The following MAP7D1 variants were observed in gnomAD, a reference collection of about 807,000 sequenced individuals.
MAP7D1 encodes MAP7 domain-containing protein 1.
A neutral mutation model predicts 97.5 loss-of-function variants in MAP7D1; 30 were observed. The ratio of observed to expected loss-of-function variants is 0.31; its 90% confidence interval spans 0.23 to 0.42. The LOEUF is 0.42. MAP7D1 is among the 10% of genes least tolerant of loss of function. MAP7D1 has a pLI of 1.00. For missense variants in MAP7D1, 1,184 were observed against 1,179.5 expected (o/e 1.00, Z -0.06); for synonymous variants, 536 against 477.1 (o/e 1.12, Z -1.61).
intron 6 of MAP7D1, 132 bp downstream of exon 6, chr1:36,175,140 A>G: frequency 1.5e-6 from 1 of 653,280 alleles, no homozygotes; most frequent in South Asian, 1.7e-5. Context: ...ACTCTACCTT[A>G]CCCAGGGCTC....
chr1:36,179,151 A>AGGGCTGC, intron 12 of MAP7D1, 111 bp from the exon 13 acceptor site: 1 of 1,491,510 alleles, frequency 6.7e-7, no homozygotes, highest in Non-Finnish European at 9.2e-7. Context: ...TGTCCTGGAG[A>AGGGCTGC]GGGCTGCTAT....
At chr1:36,177,580 A>T in intron 8 of MAP7D1, 1 of 676,170 alleles carries the variant, frequency 1.5e-6, no homozygotes, top group Non-Finnish European at 2.8e-6. Context: ...GTCAGGTAGC[A>T]CTCAGGGTGC....
intron 13 of MAP7D1, 56 bp from the exon 14 acceptor site, chr1:36,179,459 G>A: frequency 1.3e-6 from 2 of 1,578,432 alleles, no homozygotes; most frequent in East Asian, 2.3e-5. Flanking sequence ...AACTCAGTCC[G>A]AAGTGGCTGG....
At position 36,176,857 on chromosome 1, in the gene MAP7D1, T is replaced by G. The variant is rs1002783876; in HGVS notation, c.1379+15T>G. The G allele has an allele frequency of 4.4e-6, 7 of 1,574,476 alleles. No homozygotes were observed. The highest frequency in any genetic ancestry group is 8.6e-7 in the Non-Finnish European group (1 of 1,158,658). On this transcript the variant is annotated intron_variant, in intron 8 of 16. Coordinates refer to ENST00000474796, the MANE Select transcript of MAP7D1 (RefSeq NM_001388490.1). The surrounding 1 kb of genome is among the most constrained non-coding windows in gnomAD (Gnocchi z 6.1). ...TCTGAGCTCAGGTGGGCGCGGGCGG[T>G]GCGAGGGACCCTGCCCCTCACCGGG...
intron 6 of MAP7D1, 25 bp downstream of exon 6, chr1:36,175,033 C>G (rs1216112549): frequency 3.3e-6 from 5 of 1,495,808 alleles, no homozygotes; most frequent in Non-Finnish European, 2.8e-6. Flanking sequence ...AGCCCTTCCC[C>G]CTCCAGAGCC....
intron 1 of MAP7D1, among the ~76,000 whole-genome samples, 157 bp from the exon 2 acceptor site, chr1:36,170,814 A>G (rs916456569): frequency 6.6e-6 from 1 of 152,144 alleles, no homozygotes; most frequent in Non-Finnish European, 1.5e-5. Context: ...TTTTCTCACC[A>G]TTATATCATG....
rs1023604410 is a variant in MAP7D1, at chr1:36,156,354, C to T, written c.-64C>T. On this transcript the variant is annotated 5_prime_UTR_variant, in exon 1 of 17. Transcript: ENST00000474796. ...GCGTGATGCGCCGCGGGACCCCTGTCCTGGCCACTGGCCGCCGCCGCCGCC... is the reference window on the plus strand; with the variant it reads ...GCGTGATGCGCCGCGGGACCCCTGTTCTGGCCACTGGCCGCCGCCGCCGCC... 2 of 1,410,712 alleles carry T rather than the reference C, an allele frequency of 1.4e-6. No homozygotes were observed. The highest frequency in any genetic ancestry group is 3.0e-5 in the African/African-American group (2 of 66,726). The allele number at this position is 1,410,712 out of a possible 1,614,324, so 87.4% of individuals were successfully genotyped here. A position where few individuals can be genotyped will look rare whatever the true frequency, so the allele number is the denominator to read the frequency against.
At position 36,176,509 on chromosome 1, in the gene MAP7D1, G is replaced by A; in HGVS notation, c.1161G>A (p.Glu387=). The part of the protein sequence containing the change: ...RSVHRCAPAG[E]RGERRKPNAG... ...TGCACCGCTGCGCCCCCGCCGGTGA[G>A]CGCGGGGAGCGCCGCAAGCCCAACG... Residue 387 remains glutamate, a synonymous_variant, in exon 7 of 17, where the codon GAG becomes GAA. Transcript: ENST00000474796. This position sits in a 1 kb window ranked among gnomAD's most constrained non-coding sequence, Gnocchi z 6.1. The A allele has an allele frequency of 7.3e-7, 1 of 1,372,928 alleles. No homozygotes were observed. 85.0% of individuals were successfully genotyped at this position (1,372,928 alleles called of 1,614,324 possible).
chr1:36,178,067 A>ACAAGAGCC lies in MAP7D1; in HGVS notation c.1575_1582dup (p.Gln528ProfsTer50). ...AGCCCCAGCGCCGCAGGGCCCGAGGACAAGAGCCAGAGCAAGCGCAGGGCC... is the reference window on the plus strand; with the variant it reads ...AGCCCCAGCGCCGCAGGGCCCGAGGACAAGAGCCCAAGAGCCAGAGCAAGCGCAGGGCC... On this transcript the variant is annotated frameshift_variant, in exon 9 of 17. Transcript: ENST00000474796. LOFTEE classifies it high-confidence loss of function. 1 of 1,611,214 alleles carries ACAAGAGCC rather than the reference A, an allele frequency of 6.2e-7. No homozygotes were observed. The highest frequency in any genetic ancestry group is 8.5e-7 in the Non-Finnish European group (1 of 1,178,842).
chr1:36,170,524 C>T (rs1428694996), intron 1 of MAP7D1, among the ~76,000 whole-genome samples: 2 of 152,184 alleles, frequency 1.3e-5, no homozygotes, highest in African/African-American at 4.8e-5. Context: ...CGAATAAGTG[C>T]TACAAGCTTG....
Position 36,176,892 on chromosome 1 carries a change from C to A in MAP7D1, c.1379+50C>A. The A allele has an allele frequency of 8.2e-6, 12 of 1,454,722 alleles. No homozygotes were observed. The highest frequency in any genetic ancestry group is 2.4e-5 in the East Asian group (1 of 40,892). The allele number at this position is 1,454,722 out of a possible 1,614,324, so 90.1% of individuals were successfully genotyped here. A position where few individuals can be genotyped will look rare whatever the true frequency, so the allele number is the denominator to read the frequency against. On this transcript the variant is annotated intron_variant, in intron 8 of 16. Transcript: ENST00000474796. The surrounding 1 kb of genome is among the most constrained non-coding windows in gnomAD (Gnocchi z 6.1). ...CCTGCCCCTCACCGGGTCATTTATT[C>A]ATCACCCACAAATATTTGTTGGGCA... is the stretch of plus-strand genomic sequence containing the variant.
chr1:36,160,631 G>A (rs961260765), intron 1 of MAP7D1, among the ~76,000 whole-genome samples: 1 of 152,206 alleles, frequency 6.6e-6, no homozygotes, highest in Non-Finnish European at 1.5e-5. Context: ...GGCAGAGGCA[G>A]GATTTGAACT....
intron 1 of MAP7D1, among the ~76,000 whole-genome samples, chr1:36,163,817 C>CTTTTTTTTTTTT (rs869169250): frequency 8.1e-5 from 7 of 86,782 alleles, no homozygotes; most frequent in African/African-American, 3.3e-4. Context: ...TACTTTTTTT[C>CTTTTTTTTTTTT]TTTTTTTTTT....
intron 1 of MAP7D1, among the ~76,000 whole-genome samples, chr1:36,163,703 C>T (rs1644439532): frequency 6.6e-6 from 1 of 152,080 alleles, no homozygotes; most frequent in South Asian, 2.1e-4. Flanking sequence ...TAACTTCTAC[C>T]TGTGTGGCTT....
intron 1 of MAP7D1, among the ~76,000 whole-genome samples, chr1:36,161,947 T>C (rs1248677339): frequency 6.6e-6 from 1 of 151,828 alleles, no homozygotes; most frequent in East Asian, 1.9e-4. Flanking sequence ...CTCTCGCCAT[T>C]GTGCAGGCCC....
rs562822423 is a variant in MAP7D1, at chr1:36,180,241, T to C, written c.2513-7T>C. 3.7e-6 allele frequency: 6 copies of C among 1,614,164 alleles called. No homozygotes were observed. The highest frequency in any genetic ancestry group is 1.7e-5 in the Admixed American group (1 of 60,010). On this transcript the variant is annotated splice_region_variant and splice_polypyrimidine_tract_variant and intron_variant, in intron 16 of 16. Coordinates refer to ENST00000474796, the MANE Select transcript of MAP7D1 (RefSeq NM_001388490.1). ...CCCTGACTGTTTCCCTTCCTGTTTT[T>C]CCCCAGAAGTCCTTTAAGAGGGTTT...
intron 5 of MAP7D1, among the ~76,000 whole-genome samples, chr1:36,173,901 T>C (rs1298057098): frequency 1.3e-5 from 2 of 152,190 alleles, no homozygotes; most frequent in African/African-American, 4.8e-5. Flanking sequence ...CTGGCATGTA[T>C]GTACCACTGT....
rs186217497 is a variant in MAP7D1, at chr1:36,160,700, A to G, written c.46+4237A>G. The stretch of plus-strand genomic sequence containing the variant: ...ACCTCTAAGCTGAATTATCATGGCT[A>G]AGCTATCCAGTGACAAGGTCTGGCC... On this transcript the variant is annotated intron_variant, in intron 1 of 16. Transcript: ENST00000474796. Among the ~76,000 whole-genome samples, 4 of 152,366 alleles carry G rather than the reference A, an allele frequency of 2.6e-5. No homozygotes were observed. The East Asian group carries it at 7.7e-4, about 29-fold the overall frequency.
rs371643371 is a variant in MAP7D1, at chr1:36,156,308, TGCCGG to T, written c.-92_-88del. On this transcript the variant is annotated 5_prime_UTR_variant, in exon 1 of 17. Transcript: ENST00000474796. ...GCGCCCCCGCCTCCGAGTCGCTACT[TGCCGG>T]GCCGGGCCGGGCCGGGCGTGATGCG... 1.4e-3 allele frequency: 1,267 copies of T among 936,980 alleles called. 9 individuals are homozygous for T. The highest frequency in any genetic ancestry group is 0.013 in the East Asian group (398 of 29,718). 58.0% of individuals were successfully genotyped at this position (936,980 alleles called of 1,614,324 possible).
Sources: allele counts gnomAD v4.1 joint callset (sites outside exome capture counted in the v4.1 genomes callset), GRCh38; gene constraint gnomAD v4.1.1; non-coding constraint Gnocchi (gnomAD v3.1); transcripts MANE v1.5; gene names NCBI Gene and HGNC (gene_info 2026-07-23, HGNC 2026-07-21).